Variants in RYR1 observed in about 807,000 individuals in gnomAD.
RYR1 encodes the protein central core disease of muscle.
RYR1 carries 342 observed loss-of-function variants against 583.5 expected under a neutral mutation model. The observed-to-expected ratio is 0.59, with a 90% CI of 0.54 to 0.64. The LOEUF is 0.64. Among genes scored for constraint, RYR1 ranks in the 30% least tolerant of loss-of-function variants. RYR1 has a pLI of 0.00. For missense variants in RYR1, 6,032 were observed against 6,917.2 expected, an observed-to-expected ratio of 0.87 and a Z score of 4.54; for synonymous variants, 2,791 against 2,822.5, an observed-to-expected ratio of 0.99 and a Z score of 0.35.
chr19:38,441,337 T>A (rs1396857360), intron 2 of RYR1, among the ~76,000 whole-genome samples: 1 of 148,430 alleles, frequency 6.7e-6, no homozygotes, highest in Non-Finnish European at 1.5e-5. Context: ...TTTTTATTTT[T>A]AAAAGTTTTT....
intron 93 of RYR1, among the ~76,000 whole-genome samples, chr19:38,568,970 G>A (rs1178636296): frequency 6.6e-6 from 1 of 152,176 alleles, no homozygotes; most frequent in Middle Eastern, 3.2e-3. Context: ...AGGAGTTTGG[G>A]GCAAGCCAGG....
intron 21 of RYR1, 23 bp downstream of exon 21, chr19:38,463,550 C>T (rs377602077): frequency 7.9e-5 from 126 of 1,603,012 alleles, no homozygotes; most frequent in Admixed American, 2.7e-4. Flanking sequence ...CTGCAGCCTG[C>T]GGGAGGCCGG....
chr19:38,504,136 T>C (rs1307314296), intron 49 of RYR1, 84 bp from the exon 50 acceptor site: 5 of 1,438,134 alleles, frequency 3.5e-6, no homozygotes, highest in Non-Finnish European at 4.8e-6. Flanking sequence ...AGCACTGGCA[T>C]GCCTGTGTCT....
rs112602145 is a variant in RYR1 at position 38,465,709 on chromosome 19, A to G, written c.2871-382A>G. ...AACCCAGGAGGTGGAGGTTGCAGTG[A>G]GCCGAGATCGTGCCATTGCACTCCA... On this transcript the variant is annotated intron_variant, in intron 23 of 105. Coordinates refer to ENST00000359596, the MANE Select transcript of RYR1 (RefSeq NM_000540.3). 4.9e-3 allele frequency among the ~76,000 whole-genome samples: 745 copies of G among 152,126 alleles called. 5 individuals are homozygous for G. Among genetic ancestry groups the G allele is most frequent in the African/African-American group, 0.017 (692 of 41,502 alleles).
chr19:38,446,889 C>T, intron 9 of RYR1, 121 bp downstream of exon 9: 1 of 752,712 alleles, frequency 1.3e-6, no homozygotes, highest in South Asian at 1.8e-5. Flanking sequence ...GAGGGAAAAT[C>T]AGAGCAGCCT....
intron 31 of RYR1, among the ~76,000 whole-genome samples, chr19:38,482,756 G>C (rs1969074478): frequency 6.6e-6 from 1 of 152,106 alleles, no homozygotes; most frequent in Admixed American, 6.6e-5. Context: ...TCTGGGTTTT[G>C]AATGAGTATG....
intron 13 of RYR1, among the ~76,000 whole-genome samples, chr19:38,454,338 A>G (rs367546625): frequency 4.6e-4 from 70 of 152,186 alleles, no homozygotes; most frequent in Admixed American, 1.3e-3. Context: ...CTGCACCCAG[A>G]CAGTTTTGTC....
chr19:38,543,875 G>A lies in RYR1; in HGVS notation c.12012G>A (p.Gln4004=), dbSNP rs1438212286. The change falls in exon 87 of 106, where the codon CAG becomes CAA. Residue 4004 remains glutamine, a splice_region_variant and synonymous_variant. Transcript: ENST00000359596. The surrounding 1 kb of genome is among the most constrained non-coding windows in gnomAD (Gnocchi z 4.4). The stretch of plus-strand genomic sequence containing the variant: ...CCCACATGATGATGAAGCTCGCTCA[G>A]GTTCGAGCCCCTCTGGTCTCCATCC... ...VFAHMMMKLA[Q]DSSQIELLKE... is the part of the protein sequence containing the mutation. The A allele has an allele frequency of 1.9e-6, 3 of 1,612,756 alleles. No homozygotes were observed. The highest frequency in any genetic ancestry group is 2.5e-6 in the Non-Finnish European group (3 of 1,179,886).
In RYR1 at chr19:38,496,318, G is replaced by T. The variant is rs747080249; in HGVS notation, c.6652G>T (p.Gly2218Cys). The T allele has an allele frequency of 6.2e-7, 1 of 1,613,972 alleles. No individual in the cohort carries two copies. Among genetic ancestry groups the T allele is most frequent in the East Asian group, 2.2e-5 (1 of 44,884 alleles). Residue 2218 changes from glycine to cysteine, a missense_variant, in exon 40 of 106, where the codon GGC (glycine) becomes TGC (cysteine). Transcript: ENST00000359596. This position sits in a 1 kb window ranked among gnomAD's most constrained non-coding sequence, Gnocchi z 4.8. ...GGTCATGGTCAACGTCCTCGGGGGCGGCGAGTCCAAGGTGAGGGCCCAGGC... is the reference window on the plus strand; with the variant it reads ...GGTCATGGTCAACGTCCTCGGGGGCTGCGAGTCCAAGGTGAGGGCCCAGGC... ...MEVMVNVLGG[G>C]ESKEIRFPKM...
Position 38,496,668 on chromosome 19 carries a change from G to C in RYR1, c.6796+127G>C. On this transcript the variant is annotated intron_variant, in intron 41 of 105. Coordinates refer to ENST00000359596, the MANE Select transcript of RYR1 (RefSeq NM_000540.3). This position sits in a 1 kb window ranked among gnomAD's most constrained non-coding sequence, Gnocchi z 4.8. ...CCCTCTCAACTGTGGTTCTGGCCCT[G>C]TAATGAGTAATGCTGGGGACACAAT... The C allele has an allele frequency of 7.9e-7, 1 of 1,272,978 alleles. No homozygotes were observed. Among genetic ancestry groups the C allele is most frequent in the African/African-American group, 1.5e-5 (1 of 68,072 alleles). The allele number at this position is 1,272,978 out of a possible 1,614,324, so 78.9% of individuals were successfully genotyped here.
chr19:38,570,598 C>T lies in RYR1; in HGVS notation c.13660-9C>T. On this transcript the variant is annotated splice_polypyrimidine_tract_variant and intron_variant, in intron 93 of 105. Coordinates refer to ENST00000359596, the MANE Select transcript of RYR1 (RefSeq NM_000540.3). ...TGAGCGCTTTCTCTCTTTTTCTCTT[C>T]TCTCTCAGAACTACCTGTCCCGGAA... The T allele has an allele frequency of 1.2e-6, 2 of 1,611,122 alleles. No individual in the cohort carries two copies. The highest frequency in any genetic ancestry group is 1.7e-6 in the Non-Finnish European group (2 of 1,177,302).
intron 7 of RYR1, 90 bp from the exon 8 acceptor site, chr19:38,446,382 G>A (rs543511627): frequency 7.3e-6 from 7 of 957,310 alleles, no homozygotes; most frequent in Middle Eastern, 2.1e-4. Flanking sequence ...GTTCCCCCAG[G>A]GGAGGAGCAG....
At position 38,464,605 on chromosome 19, in the gene RYR1, G is replaced by T. The variant is rs767816184; in HGVS notation, c.2787-34G>T. 5.2e-6 allele frequency: 8 copies of T among 1,545,570 alleles called. No homozygotes were observed. The Admixed American group carries it at 1.2e-4, about 23-fold the overall frequency. ...GAGACGGGGCAGGGAGCTCTGAGGG[G>T]CGTGACCTGTCGCCTCCACTCCCCC... On this transcript the variant is annotated intron_variant, in intron 22 of 105. Coordinates refer to ENST00000359596, the MANE Select transcript of RYR1 (RefSeq NM_000540.3).
Position 38,435,996 on chromosome 19 carries a change from C to G in RYR1, c.45+2122C>G, listed in dbSNP as rs145600151. ...TGATCGCAGCTCACTGCAACCTCTG[C>G]CTCCTGGGTTCAAGCGATTCTTCTG... On this transcript the variant is annotated intron_variant, in intron 1 of 105. Transcript: ENST00000359596. Among the ~76,000 whole-genome samples, 1,065 of 151,488 alleles carry G rather than the reference C, an allele frequency of 7.0e-3. 21 individuals are homozygous for G. Among genetic ancestry groups the G allele is most frequent in the African/African-American group, 0.025 (1,025 of 40,852 alleles).
Position 38,517,394 on chromosome 19 carries a change from C to T in RYR1, c.9721C>T (p.Pro3241Ser), listed in dbSNP as rs770191668. The T allele has an allele frequency of 1.9e-6, 3 of 1,614,042 alleles. No homozygotes were observed. In the South Asian group the frequency reaches 3.3e-5, roughly 18 times the overall value. Residue 3241 changes from proline (P) to serine (S), a missense_variant, in exon 66 of 106, where the codon CCC becomes TCC. Transcript: ENST00000359596. ...CCCCAACAGTGTGGAGGAGATGTGT[C>T]CCGACATCCCGGTGCTGGAGCGGCT... ...GLPNSVEEMCPDIPVLERLMA... is the reference protein window; with the variant it reads ...GLPNSVEEMCSDIPVLERLMA...
chr19:38,446,447 A>G (rs1212482684), intron 7 of RYR1, 25 bp from the exon 8 acceptor site: 6 of 1,590,880 alleles, frequency 3.8e-6, no homozygotes, highest in Non-Finnish European at 5.2e-6. Context: ...CCTCCCATTG[A>G]CCAACTTCCC....
chr19:38,513,599 G>A (rs1970821620), intron 63 of RYR1, among the ~76,000 whole-genome samples: 1 of 151,826 alleles, frequency 6.6e-6, no homozygotes, highest in Non-Finnish European at 1.5e-5. Flanking sequence ...GGCGGGGCAT[G>A]GTGGCTCACG....
chr19:38,455,180 A>G, intron 13 of RYR1, 55 bp from the exon 14 acceptor site: 1 of 1,598,566 alleles, frequency 6.3e-7, no homozygotes, highest in Non-Finnish European at 8.6e-7. Flanking sequence ...AAGAAAGACA[A>G]GGAAGGGAGG....
chr19:38,451,303 C>T (rs1967062965), intron 11 of RYR1, among the ~76,000 whole-genome samples: 1 of 152,078 alleles, frequency 6.6e-6, no homozygotes, highest in Non-Finnish European at 1.5e-5. Context: ...GGGAGGTCGG[C>T]TTGGGGTGAA....
Sources: allele counts gnomAD v4.1 joint callset (sites outside exome capture counted in the v4.1 genomes callset), GRCh38; gene constraint gnomAD v4.1.1; non-coding constraint Gnocchi (gnomAD v3.1); transcripts MANE v1.5; gene names NCBI Gene and HGNC (gene_info 2026-07-23, HGNC 2026-07-21).